BIRC6: variants seen among roughly 807,000 people sequenced by gnomAD.
BIRC6 encodes the protein baculoviral IAP repeat containing 6.
BIRC6 carries 98 observed loss-of-function variants against 503.3 expected under a neutral mutation model. The observed-to-expected ratio is 0.19, with a 90% CI of 0.17 to 0.23. The LOEUF is 0.23. Among genes scored for constraint, BIRC6 ranks in the 10% least tolerant of loss-of-function variants. The pLI, the probability that BIRC6 is intolerant of heterozygous loss-of-function variation, is 1.00. For missense variants in BIRC6, 5,360 were observed against 5,806.0 expected (o/e 0.92, Z 2.50); for synonymous variants, 2,240 against 2,078.7 (o/e 1.08, Z -2.11).
chr2:32,531,602 A>G (rs2056759322), intron 61 of BIRC6, 51 bp downstream of exon 61: 4 of 1,421,098 alleles, frequency 2.8e-6, no homozygotes, highest in East Asian at 4.8e-5. Flanking sequence ...TAAGCCCTTC[A>G]TTCTTTTTAA....
chr2:32,569,030 C>T (rs1346784214), intron 65 of BIRC6, among the ~76,000 whole-genome samples: 1 of 145,734 alleles, frequency 6.9e-6, no homozygotes, highest in Admixed American at 7.0e-5. Context: ...GTTGCTCAGG[C>T]TGGAGTGCAA....
At chr2:32,431,179 A>ATATTTTTTTTT (rs1558703328) in intron 12 of BIRC6, 89 bp downstream of exon 12, 1 of 48,888 alleles carries the variant, frequency 2.0e-5, no homozygotes, top group Non-Finnish European at 4.2e-5. Flanking sequence ...ATTACTGTTT[A>ATATTTTTTTTT]TCTTTTTTTT....
rs530954130 is a variant in BIRC6, at chr2:32,592,321, T to G, written c.13356-1594T>G. On this transcript the variant is annotated intron_variant, in intron 66 of 73. Coordinates refer to ENST00000421745, the MANE Select transcript of BIRC6 (RefSeq NM_016252.4). ...AAGGCAGCCATTCAGTGACATATTA[T>G]ACCTCTTCAGTTAAGTCAGGTGACA... is the stretch of plus-strand genomic sequence containing the variant. 4.6e-5 allele frequency among the ~76,000 whole-genome samples: 7 copies of G among 152,346 alleles called. No individual in the cohort carries two copies. In the South Asian group the frequency reaches 1.4e-3, roughly 32 times the overall value.
At chr2:32,452,262 G>A (rs1258635192) in intron 22 of BIRC6, among the ~76,000 whole-genome samples, 1 of 152,042 alleles carries the variant, frequency 6.6e-6, no homozygotes, top group Non-Finnish European at 1.5e-5. Context: ...ATTTTAAAGA[G>A]ATTTTTAAAT....
In BIRC6 at chr2:32,597,671, A is replaced by G. The variant is rs1306025573; in HGVS notation, c.13613-80A>G. On this transcript the variant is annotated intron_variant, in intron 68 of 73. Coordinates refer to ENST00000421745, the MANE Select transcript of BIRC6 (RefSeq NM_016252.4). The stretch of plus-strand genomic sequence containing the variant: ...AAGTTCTCTCCAGTTGAGTGGGAGA[A>G]GGACTAGTGATTGTTTGTGATTTTT... 4.0e-6 allele frequency: 4 copies of G among 1,005,838 alleles called. No individual in the cohort carries two copies. In the African/African-American group the frequency reaches 6.4e-5, roughly 16 times the overall value. The allele number at this position is 1,005,838 out of a possible 1,614,324, so 62.3% of individuals were successfully genotyped here.
chr2:32,422,027 C>T (rs897800269), intron 10 of BIRC6, among the ~76,000 whole-genome samples: 10 of 152,158 alleles, frequency 6.6e-5, no homozygotes, highest in Non-Finnish European at 1.5e-4. Context: ...ATTGTTACAT[C>T]GTTCTGATGT....
chr2:32,382,329 T>G (rs2037790494), intron 3 of BIRC6, among the ~76,000 whole-genome samples: 1 of 152,212 alleles, frequency 6.6e-6, no homozygotes, highest in Non-Finnish European at 1.5e-5. Context: ...GGGAACTCTA[T>G]GAAACTGGAT....
At position 32,511,619 on chromosome 2, in the gene BIRC6, C is replaced by T. The variant is rs143540766; in HGVS notation, c.10346+985C>T. ...TGCTGGGATTACAGGCATGAGCCAC[C>T]GCACCCGGCCAACTTGAAGTAGTTT... On this transcript the variant is annotated intron_variant, in intron 53 of 73. Coordinates refer to ENST00000421745, the MANE Select transcript of BIRC6 (RefSeq NM_016252.4). Among the ~76,000 whole-genome samples, 837 of 151,494 alleles carry T rather than the reference C, an allele frequency of 5.5e-3. 11 individuals are homozygous for T. Among genetic ancestry groups the T allele is most frequent in the African/African-American group, 0.018 (763 of 41,312 alleles).
chr2:32,513,254 T>C, intron 54 of BIRC6, 100 bp downstream of exon 54: 3 of 816,048 alleles, frequency 3.7e-6, no homozygotes, highest in South Asian at 3.7e-5. Flanking sequence ...AGGAGAAACA[T>C]AATATTTTGA....
At chr2:32,544,383 C>T (rs542388188) in intron 62 of BIRC6, among the ~76,000 whole-genome samples, 1 of 151,476 alleles carries the variant, frequency 6.6e-6, no homozygotes, top group South Asian at 2.1e-4. Context: ...TGATTGTTTC[C>T]ATTGGGTTGG....
At position 32,618,588 on chromosome 2, in the gene BIRC6, A is replaced by G. The variant is rs981760312; in HGVS notation, c.*684A>G. On this transcript the variant is annotated 3_prime_UTR_variant, in exon 74 of 74. Transcript: ENST00000421745. ...AAATAAATGAACATGATTTTATTCT[A>G]TGCCAACATTTGGGCCTCTGAATGT... 5.9e-5 allele frequency: 9 copies of G among 152,682 alleles called. No individual in the cohort carries two copies. Among genetic ancestry groups the G allele is most frequent in the East Asian group, 3.8e-4 (2 of 5,202 alleles). The allele number at this position is 152,682 out of a possible 1,614,324, so 9.5% of individuals were successfully genotyped here.
chr2:32,415,150 C>T lies in BIRC6; in HGVS notation c.1859C>T (p.Ser620Phe), dbSNP rs929365762. The change falls in exon 10 of 74, where the codon TCT (serine) becomes TTT (phenylalanine). Residue 620 changes from serine to phenylalanine, a missense_variant. Ser to Phe is a radical substitution (Grantham distance 155). Around this residue, in one of 16 missense-constraint regions of BIRC6, gnomAD observed 700 missense variants for 739.3 expected, o/e 0.95. Coordinates refer to ENST00000421745, the MANE Select transcript of BIRC6 (RefSeq NM_016252.4). The stretch of plus-strand genomic sequence containing the variant: ...TCCTGCACTAATTCAGAACTAAATT[C>T]TCCTCTGGTAAGGAGGACTTTACCG... ...NESCTNSELNSPLVRRTLPVL... is the reference protein window; with the variant it reads ...NESCTNSELNFPLVRRTLPVL... 1.2e-6 allele frequency: 2 copies of T among 1,613,996 alleles called. No homozygotes were observed. Among genetic ancestry groups the T allele is most frequent in the Non-Finnish European group, 1.7e-6 (2 of 1,179,868 alleles).
chr2:32,448,673 G>GGGAGAGGGGAGAGGGGAGAGGGGAGAGA, intron 21 of BIRC6, 122 bp from the exon 22 acceptor site: 1 of 731,808 alleles, frequency 1.4e-6, no homozygotes, highest in African/African-American at 1.8e-5. Flanking sequence ...GAGGGGAGAG[G>GGGAGAGGGGAGAGGGGAGAGGGGAGAGA]GGAGAGGGGA....
chr2:32,600,005 G>T, intron 70 of BIRC6, 105 bp downstream of exon 70: 2 of 1,082,264 alleles, frequency 1.8e-6, no homozygotes. Context: ...AGAGGGCATG[G>T]GTTTCTTTGT....
intron 38 of BIRC6, among the ~76,000 whole-genome samples, chr2:32,482,049 C>A (rs574189568): frequency 6.6e-6 from 1 of 152,178 alleles, no homozygotes; most frequent in South Asian, 2.1e-4. Flanking sequence ...TATAGATCAC[C>A]AACATTTCAG....
At chr2:32,434,689 T>G (rs916066706) in intron 13 of BIRC6, among the ~76,000 whole-genome samples, 12 of 151,962 alleles carry the variant, frequency 7.9e-5, no homozygotes, top group Non-Finnish European at 1.3e-4. Context: ...CTACAAAATT[T>G]TTTTAAAAAA....
At chr2:32,436,224 C>T in intron 15 of BIRC6, 40 bp downstream of exon 15, 1 of 1,344,980 alleles carries the variant, frequency 7.4e-7, no homozygotes, top group Non-Finnish European at 9.7e-7. Flanking sequence ...TTAATAATAC[C>T]ACAGTTGTAA....
intron 65 of BIRC6, among the ~76,000 whole-genome samples, chr2:32,571,460 A>G (rs1323763098): frequency 7.1e-6 from 1 of 140,294 alleles, no homozygotes; most frequent in Admixed American, 7.7e-5. Context: ...TTGTTTAGAA[A>G]TTCAGTTTGT....
intron 33 of BIRC6, among the ~76,000 whole-genome samples, chr2:32,474,392 G>A (rs1050738178): frequency 6.6e-6 from 1 of 152,042 alleles, no homozygotes; most frequent in African/African-American, 2.4e-5. Flanking sequence ...CATTTAATTA[G>A]GATACAAAAC....
Sources: allele counts gnomAD v4.1 joint callset (sites outside exome capture counted in the v4.1 genomes callset), GRCh38; gene constraint gnomAD v4.1.1; regional missense constraint gnomAD v4.1.1; transcripts MANE v1.5; gene names NCBI Gene and HGNC (gene_info 2026-07-23, HGNC 2026-07-21).